The following TBC1D30 variants were observed in gnomAD, a reference collection of about 807,000 sequenced individuals.
TBC1D30 encodes TBC1 domain family member 30.
TBC1D30 carries 31 observed loss-of-function variants against 63.2 expected under a neutral mutation model. The ratio of observed to expected loss-of-function variants is 0.49; its 90% CI spans 0.37 to 0.66. TBC1D30 has a LOEUF of 0.66. Among genes scored for constraint, TBC1D30 ranks in the 30% least tolerant of loss-of-function variants. The probability of loss-of-function intolerance (pLI) is 0.00; values close to 1 mark genes in which losing one functional copy is unlikely to be tolerated. For synonymous variants in TBC1D30, 307 were observed against 361.5 expected (o/e 0.85, Z 1.71); for missense variants, 810 against 953.6 (o/e 0.85, Z 1.98).
rs1176703294 is a variant in TBC1D30 at position 64,851,550 on chromosome 12, T to C, written c.1038+8065T>C. On this transcript the variant is annotated intron_variant, in intron 8 of 11. Transcript: ENST00000539867. ...TACATTTAAGATTAATATTGTTATG[T>C]GTGAATTAGATCATTATGATGCTAG... Among the ~76,000 whole-genome samples, 7 of 152,218 alleles carry C rather than the reference T, an allele frequency of 4.6e-5. No homozygotes were observed. In the East Asian group the frequency reaches 1.2e-3, roughly 25 times the overall value.
intron 2 of TBC1D30, among the ~76,000 whole-genome samples, chr12:64,819,502 C>T (rs772832563): frequency 1.1e-4 from 16 of 150,240 alleles, no homozygotes; most frequent in Non-Finnish European, 1.6e-4. Context: ...CTGCAAGCTC[C>T]GCCTCCCAGG....
intron 1 of TBC1D30, among the ~76,000 whole-genome samples, chr12:64,763,409 C>T (rs1037264281): frequency 5.9e-5 from 9 of 152,116 alleles, no homozygotes; most frequent in Non-Finnish European, 7.4e-5. Flanking sequence ...TAATTGACAA[C>T]AAAATTATGT....
chr12:64,804,553 C>G (rs1422220874), intron 2 of TBC1D30, among the ~76,000 whole-genome samples: 2 of 152,194 alleles, frequency 1.3e-5, no homozygotes, highest in Non-Finnish European at 2.9e-5. Flanking sequence ...GAGAGGGCAT[C>G]CCTGTCTTGT....
chr12:64,878,023 C>G lies in TBC1D30; in HGVS notation c.*2235C>G, dbSNP rs893513944. 7 of 182,506 alleles carry G rather than the reference C, an allele frequency of 3.8e-5. 1 individual carries two copies. In the South Asian group the frequency reaches 7.5e-4, roughly 19 times the overall value. The allele number at this position is 182,506 out of a possible 1,614,324, so 11.3% of individuals were successfully genotyped here. ...TGCTGTGCCCTGTGAACACTCTCCT[C>G]TCACCTATTTCCAGGGTTGGTCTTC... On this transcript the variant is annotated 3_prime_UTR_variant, in exon 12 of 12. Transcript: ENST00000539867.
At position 64,876,444 on chromosome 12, in the gene TBC1D30, C is replaced by G. The variant is rs1565696751; in HGVS notation, c.*656C>G. 6.1e-6 allele frequency: 1 copy of G among 163,356 alleles called. No homozygotes were observed. 10.1% of individuals were successfully genotyped at this position (163,356 alleles called of 1,614,324 possible). ...CATCTGTTGAAATTTCAATCGATAA[C>G]CCAGCTGAAGATCTTATGCACAGGA... On this transcript the variant is annotated 3_prime_UTR_variant, in exon 12 of 12. Coordinates refer to ENST00000539867, the MANE Select transcript of TBC1D30 (RefSeq NM_015279.2).
chr12:64,781,691 C>CTTT lies in TBC1D30; in HGVS notation c.478+416_478+418dup, dbSNP rs34191075. ...AGGCGAGTCGTAGGGCTGTTCTTTC[C>CTTT]TTTTTTTTTTTTTGTTTTTTTGTTT... On this transcript the variant is annotated intron_variant, in intron 1 of 12. Coordinates refer to the TBC1D30 transcript ENST00000542120. Among the ~76,000 whole-genome samples, 1,251 of 145,136 alleles carry CTTT rather than the reference C, an allele frequency of 8.6e-3. 19 individuals carry two copies. Among genetic ancestry groups the CTTT allele is most frequent in the African/African-American group, 0.03 (1,186 of 39,622 alleles).
intron 4 of TBC1D30, among the ~76,000 whole-genome samples, chr12:64,831,323 T>C (rs1466324013): frequency 6.6e-6 from 1 of 152,250 alleles, no homozygotes; most frequent in Non-Finnish European, 1.5e-5. Flanking sequence ...TAAAAAGCCT[T>C]TGCATTATTC....
At chr12:64,830,703 A>T (rs910304420) in intron 4 of TBC1D30, among the ~76,000 whole-genome samples, 5 of 152,230 alleles carry the variant, frequency 3.3e-5, no homozygotes, top group African/African-American at 1.2e-4. Flanking sequence ...ACCGGTAAGA[A>T]GAAAATATTT....
chr12:64,802,322 A>C (rs1415916869), intron 2 of TBC1D30, among the ~76,000 whole-genome samples: 1 of 151,948 alleles, frequency 6.6e-6, no homozygotes, highest in African/African-American at 2.4e-5. Flanking sequence ...TGTTTTTGGC[A>C]TATCTGGGCC....
chr12:64,864,068 A>G (rs2136457887), intron 8 of TBC1D30, among the ~76,000 whole-genome samples: 1 of 151,910 alleles, frequency 6.6e-6, no homozygotes, highest in South Asian at 2.1e-4. Flanking sequence ...TTATAGAGTT[A>G]TAACAGCCTA....
upstream of TBC1D30, among the ~76,000 whole-genome samples, chr12:64,779,481 C>A (rs546445799): frequency 2.0e-5 from 3 of 152,120 alleles, no homozygotes; most frequent in Non-Finnish European, 2.9e-5. Context: ...TTCTGCTTGT[C>A]TCATATTAAC....
intron 6 of TBC1D30, among the ~76,000 whole-genome samples, chr12:64,838,270 T>C (rs992811841): frequency 7.2e-5 from 11 of 152,334 alleles, no homozygotes; most frequent in African/African-American, 2.2e-4. Flanking sequence ...TAATTTATAG[T>C]GAGCAATTTA....
chr12:64,771,942 G>A (rs891966287), intron 1 of TBC1D30, among the ~76,000 whole-genome samples: 3 of 152,096 alleles, frequency 2.0e-5, no homozygotes, highest in South Asian at 2.1e-4. Context: ...GTTGTGGCAC[G>A]TGGATGAACA....
chr12:64,820,732 T>C (rs138297213), upstream of TBC1D30, among the ~76,000 whole-genome samples: 171 of 152,340 alleles, frequency 1.1e-3, no homozygotes, highest in African/African-American at 4.0e-3. Context: ...ATCTTTCACG[T>C]TTGTAAAACA....
Position 64,875,924 on chromosome 12 carries a change from G to T in TBC1D30, c.*136G>T. On this transcript the variant is annotated 3_prime_UTR_variant, in exon 12 of 12. Coordinates refer to ENST00000539867, the MANE Select transcript of TBC1D30 (RefSeq NM_015279.2). Reference sequence around the variant, plus strand: ...GGATGAGCAACAGCCCATAAAAAATGGGAACTGGAAGTTTTATAATAGGAG... The same window carrying T: ...GGATGAGCAACAGCCCATAAAAAATTGGAACTGGAAGTTTTATAATAGGAG... 1.1e-6 allele frequency: 1 copy of T among 918,060 alleles called. No homozygotes were observed. The highest frequency in any genetic ancestry group is 1.6e-6 in the Non-Finnish European group (1 of 643,626). The allele number at this position is 918,060 out of a possible 1,614,324, so 56.9% of individuals were successfully genotyped here.
intron 2 of TBC1D30, among the ~76,000 whole-genome samples, chr12:64,803,679 G>T (rs1452376179): frequency 1.3e-5 from 2 of 152,072 alleles, no homozygotes; most frequent in Admixed American, 1.3e-4. Context: ...TTTTGTATAA[G>T]GTGTAAGGAA....
At chr12:64,863,489 T>G (rs1308803920) in intron 8 of TBC1D30, among the ~76,000 whole-genome samples, 1 of 152,210 alleles carries the variant, frequency 6.6e-6, no homozygotes, top group African/African-American at 2.4e-5. Flanking sequence ...TAAGACAGCT[T>G]AGAGATTATG....
At chr12:64,774,076 A>G (rs1056796796) in intron 1 of TBC1D30, among the ~76,000 whole-genome samples, 1 of 152,230 alleles carries the variant, frequency 6.6e-6, no homozygotes, top group African/African-American at 2.4e-5. Context: ...GACAGACAAA[A>G]TAGCCAGAGT....
At chr12:64,858,416 G>A (rs1877491357) in intron 8 of TBC1D30, among the ~76,000 whole-genome samples, 1 of 152,168 alleles carries the variant, frequency 6.6e-6, no homozygotes, top group Admixed American at 6.5e-5. Context: ...ATGTCTCAGA[G>A]CTCAGGGCCC....
Sources: allele counts gnomAD v4.1 joint callset (sites outside exome capture counted in the v4.1 genomes callset), GRCh38; gene constraint gnomAD v4.1.1; transcripts MANE v1.5; gene names NCBI Gene and HGNC (gene_info 2026-07-23, HGNC 2026-07-21).